Variants in FUT1 observed in about 807,000 individuals in gnomAD.
FUT1 encodes the protein fucosyltransferase 1 (H blood group), also known as galactoside alpha-(1,2)-fucosyltransferase 1.
For missense variants in FUT1, 476 were observed against 492.7 expected (o/e 0.97, Z 0.32); for synonymous variants, 215 against 208.7 (o/e 1.03, Z -0.26).
rs2034019702 is a variant in FUT1, at chr19:48,752,476, C to T, written c.-3+14G>A. 2.0e-6 allele frequency: 2 copies of T among 985,098 alleles called. No homozygotes were observed. The highest frequency in any genetic ancestry group is 3.5e-5 in the African/African-American group (2 of 57,200). The allele number at this position is 985,098 out of a possible 1,614,324, so 61.0% of individuals were successfully genotyped here. ...GGGTCCCAGGAACAACTGAGTGGGG[C>T]AGTCCCCACTTACCCGAGCTGCTTG... On this transcript the variant is annotated intron_variant, in intron 1 of 1. Transcript: ENST00000645652. This position sits in a 1 kb window ranked among gnomAD's most constrained non-coding sequence, Gnocchi z 4.3.
intron 1 of FUT1, 81 bp from the exon 2 acceptor site, chr19:48,751,364 C>T (rs1049555508): frequency 5.1e-5 from 74 of 1,444,598 alleles, no homozygotes; most frequent in African/African-American, 2.8e-4. Context: ...GTAAGGGAGG[C>T]GCCTGGGGTG....
At position 48,750,846 on chromosome 19, in the gene FUT1, G is replaced by A. The variant is rs747599396; in HGVS notation, c.436C>T (p.Leu146Phe). Residue 146 changes from leucine to phenylalanine, a missense_variant, in exon 2 of 2, where the codon CTT becomes TTT. Leu to Phe is a conservative substitution (Grantham distance 22). Transcript: ENST00000645652. Reference protein sequence around the residue: ...DSRTPWRELQLHDWMSEEYAD... With the variant: ...DSRTPWRELQFHDWMSEEYAD... ...TACTCCTCCGACATCCAGTCGTGAA[G>A]CTGCAGCTCCCGCCACGGCGTGCGG... The A allele has an allele frequency of 6.2e-7, 1 of 1,613,778 alleles. No homozygotes were observed. The highest frequency in any genetic ancestry group is 2.2e-5 in the East Asian group (1 of 44,886).
Position 48,750,081 on chromosome 19 carries a change from G to A in FUT1, c.*103C>T. 1.4e-6 allele frequency: 2 copies of A among 1,400,224 alleles called. No homozygotes were observed. Among genetic ancestry groups the A allele is most frequent in the Non-Finnish European group, 2.0e-6 (2 of 1,022,206 alleles). The allele number at this position is 1,400,224 out of a possible 1,614,324, so 86.7% of individuals were successfully genotyped here. A position where few individuals can be genotyped will look rare whatever the true frequency, so the allele number is the denominator to read the frequency against. Reference sequence around the variant, plus strand: ...TCACTCTGGATACGGGCACCCATTTGCTTCAGGAACACCACAAGCTTCTCC... The same window carrying A: ...TCACTCTGGATACGGGCACCCATTTACTTCAGGAACACCACAAGCTTCTCC... On this transcript the variant is annotated 3_prime_UTR_variant, in exon 2 of 2. Transcript: ENST00000645652.
chr19:48,754,323 T>C (rs1000350304), upstream of FUT1, among the ~76,000 whole-genome samples: 1 of 152,120 alleles, frequency 6.6e-6, no homozygotes, highest in Non-Finnish European at 1.5e-5. Context: ...GCAGGATGAC[T>C]GCGGGCAGGC....
rs1309506175 is a variant in FUT1 at position 48,750,618 on chromosome 19, C to T, written c.664G>A (p.Gly222Arg). The part of the protein sequence containing the change: ...RTFVGVHVRR[G>R]DYLQVMPQRW... ...TGAGGCATAACCTGCAGATAGTCCCCACGGCGCACGTGGACGCCGACAAAG... is the reference window on the plus strand; with the variant it reads ...TGAGGCATAACCTGCAGATAGTCCCTACGGCGCACGTGGACGCCGACAAAG... The change falls in exon 2 of 2, where the codon GGG becomes AGG. Residue 222 changes from glycine to arginine, a missense_variant. Physicochemically the swap from Gly to Arg is moderately radical, Grantham distance 125 (BLOSUM62 -2). Transcript: ENST00000645652. The T allele has an allele frequency of 1.7e-5, 27 of 1,611,594 alleles. No homozygotes were observed. The highest frequency in any genetic ancestry group is 2.3e-5 in the Non-Finnish European group (27 of 1,179,956).
In FUT1 at chr19:48,750,624, G is replaced by A. The variant is rs574691621; in HGVS notation, c.658C>T (p.Arg220Cys). The part of the protein sequence containing the change: ...RPRTFVGVHV[R>C]RGDYLQVMPQ... ...ATAACCTGCAGATAGTCCCCACGGC[G>A]CACGTGGACGCCGACAAAGGTGCGC... Residue 220 changes from arginine to cysteine, a missense_variant, in exon 2 of 2, where the codon CGC becomes TGC. Coordinates refer to ENST00000645652, the MANE Select transcript of FUT1 (RefSeq NM_001384359.1). 32 of 1,611,534 alleles carry A rather than the reference G, an allele frequency of 2.0e-5. No homozygotes were observed. In the East Asian group the frequency reaches 6.9e-4, roughly 35 times the overall value.
In FUT1 at chr19:48,749,362, T is replaced by A. The variant is rs928510862; in HGVS notation, c.*822A>T. The A allele has an allele frequency of 6.6e-6, 1 of 151,462 alleles. No individual in the cohort carries two copies. The highest frequency in any genetic ancestry group is 2.4e-5 in the African/African-American group (1 of 41,154). The allele number at this position is 151,462 out of a possible 1,614,324, so 9.4% of individuals were successfully genotyped here. On this transcript the variant is annotated 3_prime_UTR_variant, in exon 2 of 2. Coordinates refer to ENST00000645652, the MANE Select transcript of FUT1 (RefSeq NM_001384359.1). ...TGGGCACAGTGGCTCATGCCAGTAA[T>A]CCCAGCACTTTGGGAGGCCAAGACA... is the stretch of plus-strand genomic sequence containing the variant.
Position 48,750,237 on chromosome 19 carries a change from A to C in FUT1, c.1045T>G (p.Trp349Gly). 3 of 1,613,072 alleles carry C rather than the reference A, an allele frequency of 1.9e-6. No individual in the cohort carries two copies. The highest frequency in any genetic ancestry group is 2.5e-6 in the Non-Finnish European group (3 of 1,179,598). Residue 349 changes from tryptophan (W) to glycine (G), a missense_variant, in exon 2 of 2, where the codon TGG becomes GGG. By Grantham distance (184) the Trp-to-Gly change is radical. Transcript: ENST00000645652. The stretch of plus-strand genomic sequence containing the variant: ...GACAAGTCTGCATTAATGCCCACCC[A>C]CTCGGGCAGGAAGGCCGCCTCCGGC... Reference protein sequence around the residue: ...FKPEAAFLPEWVGINADLSPL... With the variant: ...FKPEAAFLPEGVGINADLSPL...
At position 48,750,162 on chromosome 19, in the gene FUT1, C is replaced by G. The variant is rs2033970467; in HGVS notation, c.*22G>C. 6.2e-7 allele frequency: 1 copy of G among 1,601,410 alleles called. No homozygotes were observed. The highest frequency in any genetic ancestry group is 1.3e-5 in the African/African-American group (1 of 74,720). Reference sequence around the variant, plus strand: ...TGCTGGCTCTAGAAAGATCAGGCTACTTCAGAAAGTCTCCCTGGCTCTCAA... The same window carrying G: ...TGCTGGCTCTAGAAAGATCAGGCTAGTTCAGAAAGTCTCCCTGGCTCTCAA... On this transcript the variant is annotated 3_prime_UTR_variant, in exon 2 of 2. Coordinates refer to ENST00000645652, the MANE Select transcript of FUT1 (RefSeq NM_001384359.1).
chr19:48,750,163 T>G lies in FUT1; in HGVS notation c.*21A>C. ...GCTGGCTCTAGAAAGATCAGGCTAC[T>G]TCAGAAAGTCTCCCTGGCTCTCAAG... On this transcript the variant is annotated 3_prime_UTR_variant, in exon 2 of 2. Transcript: ENST00000645652. 1 of 1,601,874 alleles carries G rather than the reference T, an allele frequency of 6.2e-7. No homozygotes were observed. The highest frequency in any genetic ancestry group is 8.5e-7 in the Non-Finnish European group (1 of 1,174,656).
Position 48,750,846 on chromosome 19 carries a change from G to C in FUT1, c.436C>G (p.Leu146Val), listed in dbSNP as rs747599396. 6.2e-7 allele frequency: 1 copy of C among 1,613,778 alleles called. No individual in the cohort carries two copies. Among genetic ancestry groups the C allele is most frequent in the Non-Finnish European group, 8.5e-7 (1 of 1,179,996 alleles). The change falls in exon 2 of 2, where the codon CTT becomes GTT. Residue 146 changes from leucine (L) to valine (V), a missense_variant. By Grantham distance (32) the Leu-to-Val change is conservative (BLOSUM62 1). Transcript: ENST00000645652. ...DSRTPWRELQ[L>V]HDWMSEEYAD... Reference sequence around the variant, plus strand: ...TACTCCTCCGACATCCAGTCGTGAAGCTGCAGCTCCCGCCACGGCGTGCGG... The same window carrying C: ...TACTCCTCCGACATCCAGTCGTGAACCTGCAGCTCCCGCCACGGCGTGCGG...
chr19:48,752,427 C>T lies in FUT1; in HGVS notation c.-3+63G>A, dbSNP rs1390477299. 1 of 965,368 alleles carries T rather than the reference C, an allele frequency of 1.0e-6. No homozygotes were observed. The highest frequency in any genetic ancestry group is 1.2e-6 in the Non-Finnish European group (1 of 811,776). The allele number at this position is 965,368 out of a possible 1,614,324, so 59.8% of individuals were successfully genotyped here. On this transcript the variant is annotated intron_variant, in intron 1 of 1. Coordinates refer to ENST00000645652, the MANE Select transcript of FUT1 (RefSeq NM_001384359.1). The surrounding 1 kb of genome is among the most constrained non-coding windows in gnomAD (Gnocchi z 4.3). Reference sequence around the variant, plus strand: ...TGGAGAAGAGGTTGGGGGTGCACCTCCTGGTTCTGAAGGAGTTGTTCCTGG... The same window carrying T: ...TGGAGAAGAGGTTGGGGGTGCACCTTCTGGTTCTGAAGGAGTTGTTCCTGG...
chr19:48,752,791 C>T (rs1327413811), upstream of FUT1: 1 of 985,338 alleles, frequency 1.0e-6, no homozygotes, highest in Non-Finnish European at 1.2e-6. This position sits in a 1 kb window ranked among gnomAD's most constrained non-coding sequence, Gnocchi z 4.3. Flanking sequence ...AGGCGATGGC[C>T]CCTGGGCCCA....
At position 48,752,525 on chromosome 19, in the gene FUT1, T is replaced by C; in HGVS notation, c.-38A>G. 1.0e-6 allele frequency: 1 copy of C among 985,426 alleles called. No homozygotes were observed. The highest frequency in any genetic ancestry group is 1.2e-6 in the Non-Finnish European group (1 of 829,924). 61.0% of individuals were successfully genotyped at this position (985,426 alleles called of 1,614,324 possible). ...TGCAGGTGGCAGATCCACAGTCCGC[T>C]TTTCGTGGCCGGAGCGCACCCTCCG... On this transcript the variant is annotated 5_prime_UTR_variant, in exon 1 of 2. Coordinates refer to ENST00000645652, the MANE Select transcript of FUT1 (RefSeq NM_001384359.1). The surrounding 1 kb of genome is among the most constrained non-coding windows in gnomAD (Gnocchi z 4.3).
chr19:48,752,490 C>A lies in FUT1; in HGVS notation c.-3G>T, dbSNP rs2034019993. 1 of 985,438 alleles carries A rather than the reference C, an allele frequency of 1.0e-6. No individual in the cohort carries two copies. Among genetic ancestry groups the A allele is most frequent in the Non-Finnish European group, 1.2e-6 (1 of 829,930 alleles). The allele number at this position is 985,438 out of a possible 1,614,324, so 61.0% of individuals were successfully genotyped here. A position where few individuals can be genotyped will look rare whatever the true frequency, so the allele number is the denominator to read the frequency against. ...ACTGAGTGGGGCAGTCCCCACTTAC[C>A]CGAGCTGCTTGCAGGTGGCAGATCC... On this transcript the variant is annotated splice_region_variant and 5_prime_UTR_variant, in exon 1 of 2. Transcript: ENST00000645652. This position sits in a 1 kb window ranked among gnomAD's most constrained non-coding sequence, Gnocchi z 4.3.
chr19:48,750,648 G>C lies in FUT1; in HGVS notation c.634C>G (p.Arg212Gly). ...CGCACGTGGACGCCGACAAAGGTGC[G>C]CGGGCGGTCCCCTGTGCGGCCCAGG... Reference protein sequence around the residue: ...LRLGRTGDRPRTFVGVHVRRG... With the variant: ...LRLGRTGDRPGTFVGVHVRRG... The change falls in exon 2 of 2, where the codon CGC becomes GGC. Residue 212 changes from arginine to glycine, a missense_variant. Transcript: ENST00000645652. The C allele has an allele frequency of 6.2e-7, 1 of 1,612,488 alleles. No individual in the cohort carries two copies. Among genetic ancestry groups the C allele is most frequent in the Non-Finnish European group, 8.5e-7 (1 of 1,179,944 alleles).
At position 48,748,631 on chromosome 19, in the gene FUT1, C is replaced by A. The variant is rs77728773; in HGVS notation, c.*1553G>T. On this transcript the variant is annotated 3_prime_UTR_variant, in exon 2 of 2. Transcript: ENST00000645652. ...ATTTTGGCAGTGATCCCTCACCCCA[C>A]GTTCACATTTTAGCCTGTCTGCTCA... is the stretch of plus-strand genomic sequence containing the variant. 1 of 152,330 alleles carries A rather than the reference C, an allele frequency of 6.6e-6. No individual in the cohort carries two copies. The highest frequency in any genetic ancestry group is 2.4e-5 in the African/African-American group (1 of 41,428). 9.4% of individuals were successfully genotyped at this position (152,330 alleles called of 1,614,324 possible).
Position 48,749,049 on chromosome 19 carries a change from G to A in FUT1, c.*1135C>T, listed in dbSNP as rs1330674177. The A allele has an allele frequency of 6.6e-6, 1 of 151,782 alleles. No homozygotes were observed. Among genetic ancestry groups the A allele is most frequent in the Non-Finnish European group, 1.5e-5 (1 of 67,978 alleles). 9.4% of individuals were successfully genotyped at this position (151,782 alleles called of 1,614,324 possible). A position where few individuals can be genotyped will look rare whatever the true frequency, so the allele number is the denominator to read the frequency against. ...GGCTCACGCCGGTAATCCCAGCACT[G>A]TGGGAGGCCGAGGTGGGCAGATCAC... On this transcript the variant is annotated 3_prime_UTR_variant, in exon 2 of 2. Coordinates refer to ENST00000645652, the MANE Select transcript of FUT1 (RefSeq NM_001384359.1).
At chr19:48,753,906 C>T (rs1165532978), upstream of FUT1, among the ~76,000 whole-genome samples, 3 of 152,132 alleles carry the variant, frequency 2.0e-5, no homozygotes, top group Non-Finnish European at 2.9e-5. Flanking sequence ...CTATTTCGGG[C>T]GGGCGCGGTG....
Sources: gnomAD v4.1 joint callset for allele counts (sites outside exome capture counted in the v4.1 genomes callset) on GRCh38, gnomAD v4.1.1 for gene constraint, Gnocchi (gnomAD v3.1) non-coding constraint, MANE v1.5 for transcripts, NCBI Gene and HGNC (gene_info 2026-07-23, HGNC 2026-07-21) for gene names.